The following OR51E2 variants were observed in gnomAD, a reference collection of about 807,000 sequenced individuals.
OR51E2 encodes the protein olfactory receptor family 51 subfamily E member 2.
Under a neutral mutation model 13.7 loss-of-function variants are expected in OR51E2, and 14 were observed. The ratio of observed to expected loss-of-function variants is 1.02; its 90% CI spans 0.68 to 1.60. OR51E2 has a LOEUF of 1.60. Ranked by LOEUF, OR51E2 falls within the 40% of genes most tolerant of loss-of-function variation. OR51E2 has a pLI of 0.00. For missense variants in OR51E2, 483 were observed against 413.8 expected, an observed-to-expected ratio of 1.17 and a Z score of -1.45; for synonymous variants, 180 against 157.6, an observed-to-expected ratio of 1.14 and a Z score of -1.07.
At position 4,681,947 on chromosome 11, in the gene OR51E2, A is replaced by G; in HGVS notation, c.765T>C (p.Ile255=). The part of the protein sequence containing the change: ...GVVLAFYVPL[I]GLSVVHRFGN... The stretch of plus-strand genomic sequence containing the variant: ...CAAAGCGGTGTACCACTGAGAGGCC[A>G]ATAAGTGGCACATAGAAGGCGAGTA... The change falls in exon 2 of 2, where the codon ATT becomes ATC. Residue 255 remains isoleucine, a synonymous_variant. Coordinates refer to ENST00000396950, the MANE Select transcript of OR51E2 (RefSeq NM_030774.4). The G allele has an allele frequency of 6.2e-7, 1 of 1,614,152 alleles. No homozygotes were observed. Among genetic ancestry groups the G allele is most frequent in the East Asian group, 2.2e-5 (1 of 44,876 alleles).
intron 1 of OR51E2, among the ~76,000 whole-genome samples, chr11:4,696,226 T>C (rs1047240528): frequency 6.6e-6 from 1 of 152,158 alleles, no homozygotes; most frequent in Non-Finnish European, 1.5e-5. Flanking sequence ...CTCAGTTACT[T>C]CAACTTCTAT....
chr11:4,693,643 C>T (rs1426708562), intron 1 of OR51E2, among the ~76,000 whole-genome samples: 1 of 152,082 alleles, frequency 6.6e-6, no homozygotes, highest in Non-Finnish European at 1.5e-5. Flanking sequence ...ATGGAGTGAA[C>T]CTGGAAGGCG....
At chr11:4,688,073 A>T (rs912450355) in intron 1 of OR51E2, among the ~76,000 whole-genome samples, 7 of 152,194 alleles carry the variant, frequency 4.6e-5, no homozygotes, top group African/African-American at 1.7e-4. Flanking sequence ...GCCCTGTTTT[A>T]GGGCTGGGAG....
chr11:4,682,377 G>C lies in OR51E2; in HGVS notation c.335C>G (p.Thr112Ser), dbSNP rs140431076. ...GTCAAAGGCCATGGCCAGCAGGATG[G>C]TGGATTCAATGGCTGAGAGGGCATG... The part of the protein sequence containing the change: ...FIHALSAIES[T>S]ILLAMAFDRY... Residue 112 changes from threonine to serine, a missense_variant, in exon 2 of 2, where the codon ACC becomes AGC. Thr to Ser is a moderately conservative substitution (Grantham distance 58, BLOSUM62 1). Coordinates refer to ENST00000396950, the MANE Select transcript of OR51E2 (RefSeq NM_030774.4). 0.013 allele frequency: 21,121 copies of C among 1,614,206 alleles called. 189 individuals carry two copies. The highest frequency in any genetic ancestry group is 0.015 in the Non-Finnish European group (17,304 of 1,180,024).
intron 1 of OR51E2, among the ~76,000 whole-genome samples, chr11:4,688,538 G>A (rs1847540826): frequency 6.6e-6 from 1 of 152,138 alleles, no homozygotes; most frequent in African/African-American, 2.4e-5. Context: ...CTTTTATAGT[G>A]ACTGTGAATT....
chr11:4,694,122 T>C (rs1847622251), intron 1 of OR51E2, among the ~76,000 whole-genome samples: 2 of 152,168 alleles, frequency 1.3e-5, no homozygotes, highest in Admixed American at 1.3e-4. Context: ...TTTGAATAAT[T>C]TCTCTTTCAT....
chr11:4,682,096 T>G lies in OR51E2; in HGVS notation c.616A>C (p.Met206Leu). 1 of 1,614,182 alleles carries G rather than the reference T, an allele frequency of 6.2e-7. No individual in the cohort carries two copies. Among genetic ancestry groups the G allele is most frequent in the South Asian group, 1.1e-5 (1 of 91,082 alleles). Residue 206 changes from methionine to leucine, a missense_variant, in exon 2 of 2, where the codon ATG becomes CTG. Met to Leu is a conservative substitution (Grantham distance 15, BLOSUM62 2). Transcript: ENST00000396950. ...GAGATGAACATTACGTCCACGCCCATGACCAGCAGAATGGCAGTAAGACCA... is the reference window on the plus strand; with the variant it reads ...GAGATGAACATTACGTCCACGCCCAGGACCAGCAGAATGGCAGTAAGACCA... ...VYGLTAILLV[M>L]GVDVMFISLS...
chr11:4,682,330 G>T lies in OR51E2; in HGVS notation c.382C>A (p.Pro128Thr), dbSNP rs898341448. 6.2e-7 allele frequency: 1 copy of T among 1,614,150 alleles called. No individual in the cohort carries two copies. Among genetic ancestry groups the T allele is most frequent in the Non-Finnish European group, 8.5e-7 (1 of 1,180,024 alleles). ...AFDRYVAICH[P>T]LRHAAVLNNT... ...TTGAGCACTGCAGCATGGCGCAGTG[G>T]GTGGCAGATGGCCACATAACGGTCA... is the stretch of plus-strand genomic sequence containing the variant. The change falls in exon 2 of 2, where the codon CCA becomes ACA. Residue 128 changes from proline to threonine, a missense_variant. Coordinates refer to ENST00000396950, the MANE Select transcript of OR51E2 (RefSeq NM_030774.4).
Position 4,682,116 on chromosome 11 carries a change from A to C in OR51E2, c.596T>G (p.Leu199Arg), listed in dbSNP as rs745841455. The C allele has an allele frequency of 5.6e-6, 9 of 1,614,236 alleles. No individual in the cohort carries two copies. Among genetic ancestry groups the C allele is most frequent in the African/African-American group, 1.3e-5 (1 of 75,064 alleles). The change falls in exon 2 of 2, where the codon CTT (leucine) becomes CGT (arginine). Residue 199 changes from leucine (L) to arginine (R), a missense_variant. Transcript: ENST00000396950. ...ADTLPNVVYG[L>R]TAILLVMGVD... is the part of the protein sequence containing the mutation. Reference sequence around the variant, plus strand: ...GCCCATGACCAGCAGAATGGCAGTAAGACCATATACCACATTGGGCAAAGT... The same window carrying C: ...GCCCATGACCAGCAGAATGGCAGTACGACCATATACCACATTGGGCAAAGT...
intron 1 of OR51E2, among the ~76,000 whole-genome samples, chr11:4,695,649 C>T (rs535616938): frequency 1.3e-5 from 2 of 152,170 alleles, no homozygotes; most frequent in Non-Finnish European, 2.9e-5. Flanking sequence ...TGATTTTCTA[C>T]ATGCCAAGTC....
chr11:4,693,032 A>C (rs909327874), intron 1 of OR51E2, among the ~76,000 whole-genome samples: 3 of 152,254 alleles, frequency 2.0e-5, no homozygotes, highest in African/African-American at 2.4e-5. Context: ...ATGTATGATC[A>C]AACCTCTTAG....
rs1425699880 is a variant in OR51E2 at position 4,681,810 on chromosome 11, C to T, written c.902G>A (p.Arg301Gln). The T allele has an allele frequency of 9.3e-6, 15 of 1,614,046 alleles. No homozygotes were observed. The highest frequency in any genetic ancestry group is 1.6e-4 in the Middle Eastern group (1 of 6,084). The change falls in exon 2 of 2, where the codon CGG becomes CAG. Residue 301 changes from arginine to glutamine, a missense_variant. Coordinates refer to ENST00000396950, the MANE Select transcript of OR51E2 (RefSeq NM_030774.4). ...YGAKTKQIRTRVLAMFKISCD... is the reference protein window; with the variant it reads ...YGAKTKQIRTQVLAMFKISCD... ...GCTGATCTTGAACATAGCCAGCACC[C>T]GTGTTCTGATCTGTTTGGTTTTGGC...
At chr11:4,691,134 G>A in intron 1 of OR51E2, 1 of 456,666 alleles carries the variant, frequency 2.2e-6, no homozygotes, top group Non-Finnish European at 4.4e-6. Flanking sequence ...GTCTGTGCAT[G>A]AGAGCTTCAT....
intron 1 of OR51E2, among the ~76,000 whole-genome samples, chr11:4,694,581 C>T (rs1014415356): frequency 3.3e-4 from 50 of 150,184 alleles, no homozygotes; most frequent in East Asian, 5.9e-4. Context: ...TATATACACA[C>T]ACACACACAC....
chr11:4,688,967 C>T (rs186434994), intron 1 of OR51E2, among the ~76,000 whole-genome samples: 19 of 152,176 alleles, frequency 1.2e-4, no homozygotes, highest in African/African-American at 2.2e-4. Context: ...ATATATTAGA[C>T]GTTGATTCTA....
rs1847451038 is a variant in OR51E2 at position 4,681,594 on chromosome 11, A to G, written c.*155T>C. On this transcript the variant is annotated 3_prime_UTR_variant, in exon 2 of 2. Transcript: ENST00000396950. Reference sequence around the variant, plus strand: ...ACTTCATTAGTATGTATTATTCCACATAATAGTCCTTTAGGTAGATGTACC... The same window carrying G: ...ACTTCATTAGTATGTATTATTCCACGTAATAGTCCTTTAGGTAGATGTACC... 2.7e-6 allele frequency: 2 copies of G among 733,164 alleles called. No homozygotes were observed. The highest frequency in any genetic ancestry group is 1.9e-5 in the South Asian group (1 of 53,840). 45.4% of individuals were successfully genotyped at this position (733,164 alleles called of 1,614,324 possible).
At chr11:4,685,146 G>A (rs959506387) in intron 1 of OR51E2, 4 of 152,202 alleles carry the variant, frequency 2.6e-5, no homozygotes, top group Non-Finnish European at 4.4e-5. Context: ...CACTCAGAAA[G>A]CCCATGGGAA....
chr11:4,683,519 C>T lies in OR51E2; in HGVS notation c.-50-758G>A, dbSNP rs377408989. On this transcript the variant is annotated intron_variant, in intron 1 of 1. Coordinates refer to ENST00000396950, the MANE Select transcript of OR51E2 (RefSeq NM_030774.4). ...ATAAAATCAAGGTAGTGGCTCCCTC[C>T]GATGACTTCTTCAGAGATGAAGGTG... Among the ~76,000 whole-genome samples the T allele has an allele frequency of 5.3e-5, 8 of 152,206 alleles. No homozygotes were observed. The East Asian group carries it at 7.7e-4, about 15-fold the overall frequency.
intron 1 of OR51E2, among the ~76,000 whole-genome samples, chr11:4,689,539 A>C (rs967041226): frequency 2.0e-5 from 3 of 152,198 alleles, no homozygotes; most frequent in Admixed American, 1.3e-4. Flanking sequence ...TGGACCTGAT[A>C]CCAACTATAC....
Sources: gnomAD v4.1 joint callset for allele counts (sites outside exome capture counted in the v4.1 genomes callset) on GRCh38, gnomAD v4.1.1 for gene constraint, MANE v1.5 for transcripts, NCBI Gene and HGNC (gene_info 2026-07-23, HGNC 2026-07-21) for gene names.